The following ASTN2 variants were observed in gnomAD, a reference collection of about 807,000 sequenced individuals.
ASTN2 encodes the protein astrotactin 2.
In ASTN2, 54 loss-of-function variants were observed where a neutral mutation model predicts 139.8. The ratio of observed to expected loss-of-function variants is 0.39; its 90% confidence interval spans 0.31 to 0.48. The LOEUF (loss-of-function observed/expected upper bound fraction) is 0.48. Ranked by LOEUF, ASTN2 falls within the 20% of genes least tolerant of loss-of-function variation. ASTN2 has a pLI of 0.95. For synonymous variants in ASTN2, 756 were observed against 719.5 expected, an observed-to-expected ratio of 1.05 and a Z score of -0.81; for missense variants, 1,565 against 1,725.1, an observed-to-expected ratio of 0.91 and a Z score of 1.64.
intron 17 of ASTN2, among the ~76,000 whole-genome samples, chr9:116,651,242 A>G (rs1008131530): frequency 6.6e-6 from 1 of 152,116 alleles, no homozygotes; most frequent in African/African-American, 2.4e-5. Flanking sequence ...AAAGCCCCCC[A>G]TCAATCAAAA....
intron 1 of ASTN2, among the ~76,000 whole-genome samples, chr9:117,324,126 A>C (rs1448348780): frequency 2.0e-5 from 3 of 152,142 alleles, no homozygotes; most frequent in Non-Finnish European, 2.9e-5. Flanking sequence ...AGGAAGCCCA[A>C]CCCAGCCACA....
intron 2 of ASTN2, among the ~76,000 whole-genome samples, chr9:117,228,388 C>G (rs571695724): frequency 1.3e-5 from 2 of 152,108 alleles, no homozygotes; most frequent in African/African-American, 4.8e-5. Flanking sequence ...CAATAGGGGT[C>G]TCTTAGAGGC....
chr9:116,795,871 C>G (rs956654375), intron 13 of ASTN2, among the ~76,000 whole-genome samples: 1 of 152,170 alleles, frequency 6.6e-6, no homozygotes, highest in Non-Finnish European at 1.5e-5. Flanking sequence ...AGGTAAAACA[C>G]CACTTTATAG....
chr9:117,093,251 T>C (rs888277347), intron 5 of ASTN2, among the ~76,000 whole-genome samples: 5 of 152,200 alleles, frequency 3.3e-5, no homozygotes, highest in African/African-American at 1.2e-4. Flanking sequence ...GTAAATCCAA[T>C]GGTCCTTCTC....
rs560403281 is a variant in ASTN2 at position 117,273,470 on chromosome 9, T to C, written c.630+17856A>G. The stretch of plus-strand genomic sequence containing the variant: ...AACAACAGCCTTCTCAATGGAGTGC[T>C]GTAGAGATTAGATAAGGGACGAGTG... On this transcript the variant is annotated intron_variant, in intron 2 of 22. Transcript: ENST00000313400. 1.0e-3 allele frequency among the ~76,000 whole-genome samples: 158 copies of C among 152,324 alleles called. 1 individual carries two copies. Among genetic ancestry groups the C allele is most frequent in the Non-Finnish European group, 2.0e-3 (133 of 68,028 alleles).
At chr9:117,029,768 C>T (rs7857238) in intron 6 of ASTN2, among the ~76,000 whole-genome samples, 53,829 of 151,600 alleles carry the variant, frequency 0.36, 9,827 homozygotes, top group Non-Finnish European at 0.41. Context: ...TGCATTTTAA[C>T]TATCTATCTT....
intron 9 of ASTN2, among the ~76,000 whole-genome samples, chr9:116,975,706 C>G (rs891078673): frequency 2.1e-4 from 32 of 152,162 alleles, no homozygotes; most frequent in Admixed American, 2.1e-3. Flanking sequence ...AGGTTAAGAG[C>G]ACGGACTTTG....
At chr9:116,538,292 T>G (rs1851731971) in intron 19 of ASTN2, among the ~76,000 whole-genome samples, 2 of 131,330 alleles carry the variant, frequency 1.5e-5, no homozygotes, top group South Asian at 2.4e-4. Context: ...AACGGAGGAA[T>G]GAAGGAAGGG....
intron 19 of ASTN2, chr9:116,585,996 C>T (rs1415048260): frequency 6.6e-6 from 1 of 152,102 alleles, no homozygotes; most frequent in Non-Finnish European, 1.5e-5. Context: ...AAGACATTAA[C>T]AGACACTTCT....
intron 19 of ASTN2, among the ~76,000 whole-genome samples, chr9:116,513,943 G>A (rs551590251): frequency 1.2e-3 from 185 of 151,112 alleles, no homozygotes; most frequent in South Asian, 3.3e-3. Context: ...CGATGGGTTC[G>A]AACTTCCTCC....
intron 10 of ASTN2, among the ~76,000 whole-genome samples, chr9:116,909,941 A>G (rs896587173): frequency 6.6e-6 from 1 of 152,146 alleles, no homozygotes; most frequent in African/African-American, 2.4e-5. Flanking sequence ...CAGGGGAAGG[A>G]TGAGAGCCCT....
At chr9:116,439,194 ATTTTTTTTTTTTT>A (rs1016270368) in intron 22 of ASTN2, among the ~76,000 whole-genome samples, 1 of 56,690 alleles carries the variant, frequency 1.8e-5, no homozygotes, top group Non-Finnish European at 3.0e-5. Flanking sequence ...ATTCAAATAC[ATTTTTTTTTTTTT>A]TTTTTTTTTT....
intron 10 of ASTN2, among the ~76,000 whole-genome samples, chr9:116,912,203 C>T (rs1834330161): frequency 6.6e-6 from 1 of 152,246 alleles, no homozygotes. Flanking sequence ...GCTTTGAATC[C>T]ATGCAAACAT....
intron 6 of ASTN2, among the ~76,000 whole-genome samples, chr9:117,014,780 C>T (rs1476354670): frequency 6.6e-6 from 1 of 151,926 alleles, no homozygotes; most frequent in Non-Finnish European, 1.5e-5. Context: ...GATATTGGGG[C>T]CCAGGTACAC....
chr9:116,544,726 A>T (rs1028533101), intron 19 of ASTN2, among the ~76,000 whole-genome samples: 5 of 152,200 alleles, frequency 3.3e-5, no homozygotes, highest in Non-Finnish European at 5.9e-5. Context: ...ATTAGGCGCT[A>T]GGGGCCAGGC....
intron 11 of ASTN2, among the ~76,000 whole-genome samples, chr9:116,826,748 G>A (rs1343391495): frequency 6.6e-6 from 1 of 151,988 alleles, no homozygotes; most frequent in African/African-American, 2.4e-5. Context: ...TACTAACACT[G>A]AAGCCAGTGT....
chr9:116,949,255 A>G (rs2132483129), intron 10 of ASTN2, among the ~76,000 whole-genome samples: 1 of 152,184 alleles, frequency 6.6e-6, no homozygotes, highest in African/African-American at 2.4e-5. Flanking sequence ...TGGCCACCCA[A>G]AGAGCTCTAG....
intron 13 of ASTN2, among the ~76,000 whole-genome samples, chr9:116,776,598 G>T (rs944528610): frequency 6.6e-6 from 1 of 152,094 alleles, no homozygotes; most frequent in African/African-American, 2.4e-5. Context: ...TTGAGGTTTT[G>T]GGGGTTTGGG....
At chr9:116,637,562 G>C (rs1356932883) in intron 17 of ASTN2, among the ~76,000 whole-genome samples, 1 of 152,116 alleles carries the variant, frequency 6.6e-6, no homozygotes, top group East Asian at 1.9e-4. Context: ...TAAATCAATA[G>C]CTAAAACCTG....
Sources: gnomAD v4.1 joint callset for allele counts (sites outside exome capture counted in the v4.1 genomes callset) on GRCh38, gnomAD v4.1.1 for gene constraint, MANE v1.5 for transcripts, NCBI Gene and HGNC (gene_info 2026-07-23, HGNC 2026-07-21) for gene names.